The following SLC2A9 variants were observed in gnomAD, a reference collection of about 807,000 sequenced individuals.
SLC2A9 encodes the protein solute carrier family 2 member 9, also known as solute carrier family 2, facilitated glucose transporter member 9.
Under a neutral mutation model 50.6 loss-of-function variants are expected in SLC2A9, and 39 were observed. That is an observed-to-expected ratio of 0.77 (90% confidence interval 0.60 to 1.01). The LOEUF is 1.01. Among genes scored for constraint, SLC2A9 ranks in the 50% least tolerant of loss-of-function variants. The pLI is 0.00. For missense variants in SLC2A9, 686 were observed against 677.6 expected, an observed-to-expected ratio of 1.01 and a Z score of -0.14; for synonymous variants, 324 against 276.9, an observed-to-expected ratio of 1.17 and a Z score of -1.69.
chr4:10,018,534 C>T (rs543055085), intron 2 of SLC2A9, among the ~76,000 whole-genome samples: 42 of 88,884 alleles, frequency 4.7e-4, no homozygotes, highest in African/African-American at 1.2e-3. Flanking sequence ...GAGTGAGACT[C>T]CATCTCAAAG....
At chr4:9,906,131 AATCCTCAGCCCATCCCTATG>A (rs1740618932) in intron 8 of SLC2A9, among the ~76,000 whole-genome samples, 1 of 152,204 alleles carries the variant, frequency 6.6e-6, no homozygotes, top group Non-Finnish European at 1.5e-5. Flanking sequence ...TCATTGGTAC[AATCCTCAGCCCATCCCTATG>A]AAGCAGGGAT....
chr4:10,022,880 G>A (rs914747891), upstream of SLC2A9, among the ~76,000 whole-genome samples: 3 of 152,200 alleles, frequency 2.0e-5, no homozygotes. Flanking sequence ...CAGGAGTTAG[G>A]TTGGGGATGT....
At chr4:9,920,615 T>G in intron 6 of SLC2A9, 43 bp from the exon 7 acceptor site, 2 of 1,610,058 alleles carry the variant, frequency 1.2e-6, no homozygotes, top group Non-Finnish European at 1.7e-6. Flanking sequence ...GGGATTAGAG[T>G]GTCCATCATG....
At position 9,938,258 on chromosome 4, in the gene SLC2A9, T is replaced by C. The variant is rs998097931; in HGVS notation, c.814+3655A>G. 2.0e-5 allele frequency among the ~76,000 whole-genome samples: 3 copies of C among 149,178 alleles called. No individual in the cohort carries two copies. In the Admixed American group the frequency reaches 2.1e-4, roughly 10 times the overall value. On this transcript the variant is annotated intron_variant, in intron 6 of 11. Transcript: ENST00000264784. ...TCTGTGTCTCCAACCCATGGATTAATGATCTTTTGCTATTTTTTTTTTTTT... is the reference window on the plus strand; with the variant it reads ...TCTGTGTCTCCAACCCATGGATTAACGATCTTTTGCTATTTTTTTTTTTTT...
At chr4:9,979,075 C>T (rs533483042) in intron 5 of SLC2A9, among the ~76,000 whole-genome samples, 1 of 152,258 alleles carries the variant, frequency 6.6e-6, no homozygotes, top group Non-Finnish European at 1.5e-5. Context: ...CTCCAGAGCG[C>T]CCACATTCCC....
chr4:9,795,664 C>G (rs748440858), downstream of SLC2A9, among the ~76,000 whole-genome samples: 8 of 152,110 alleles, frequency 5.3e-5, no homozygotes, highest in Non-Finnish European at 1.2e-4. Context: ...TGCACACCAA[C>G]AAAAAAGACT....
At chr4:9,840,520 T>C (rs551361531) in intron 10 of SLC2A9, among the ~76,000 whole-genome samples, 1 of 152,352 alleles carries the variant, frequency 6.6e-6, no homozygotes, top group African/African-American at 2.4e-5. Context: ...TTTTAAAGCA[T>C]GCAACATGAC....
downstream of SLC2A9, among the ~76,000 whole-genome samples, chr4:9,821,944 C>A (rs753839675): frequency 6.6e-6 from 1 of 152,046 alleles, no homozygotes; most frequent in African/African-American, 2.4e-5. Flanking sequence ...TCTATTTTTT[C>A]TTGAGTGACT....
chr4:9,994,821 G>T (rs1037588093), intron 3 of SLC2A9, among the ~76,000 whole-genome samples: 2 of 151,968 alleles, frequency 1.3e-5, no homozygotes, highest in African/African-American at 4.8e-5. Flanking sequence ...GCCACGGTCA[G>T]GTATAAAGCA....
At chr4:9,830,323 T>C (rs1187397872) in intron 11 of SLC2A9, among the ~76,000 whole-genome samples, 1 of 152,106 alleles carries the variant, frequency 6.6e-6, no homozygotes, top group Non-Finnish European at 1.5e-5. Context: ...CGAGAACACA[T>C]GGACACATTG....
intron 7 of SLC2A9, among the ~76,000 whole-genome samples, chr4:9,916,039 T>C (rs944849018): frequency 2.2e-4 from 33 of 152,316 alleles, no homozygotes; most frequent in Middle Eastern, 3.4e-3. Flanking sequence ...AAAGTTTTCA[T>C]GTCTCCTTCC....
rs191436995 is a variant in SLC2A9 at position 9,867,755 on chromosome 4, T to C, written c.1291+19812A>G. Among the ~76,000 whole-genome samples the C allele has an allele frequency of 2.1e-3, 324 of 152,232 alleles. 2 individuals are homozygous for C. Among genetic ancestry groups the C allele is most frequent in the African/African-American group, 7.4e-3 (309 of 41,526 alleles). ...ACTGCCTGACTGCCTGGGAGAGAGATGGGCTAATGATCAACTGCTTAAAAC... is the reference window on the plus strand; with the variant it reads ...ACTGCCTGACTGCCTGGGAGAGAGACGGGCTAATGATCAACTGCTTAAAAC... On this transcript the variant is annotated intron_variant, in intron 10 of 11. Coordinates refer to ENST00000264784, the MANE Select transcript of SLC2A9 (RefSeq NM_020041.3).
rs1737186455 is a variant in SLC2A9 at position 9,890,550 on chromosome 4, T to A, written c.1215+60A>T. On this transcript the variant is annotated intron_variant, in intron 9 of 11. Transcript: ENST00000264784. ...CCACAAATCAAAGGCCCCAAAACGA[T>A]GAAGCCAGAAGTCAGCTCCATGCTT... 9 of 1,525,946 alleles carry A rather than the reference T, an allele frequency of 5.9e-6. No homozygotes were observed. In the East Asian group the frequency reaches 2.0e-4, roughly 34 times the overall value. 94.5% of individuals were successfully genotyped at this position (1,525,946 alleles called of 1,614,324 possible). A position where few individuals can be genotyped will look rare whatever the true frequency, so the allele number is the denominator to read the frequency against.
chr4:9,879,854 C>A (rs969908823), intron 10 of SLC2A9: 17 of 985,332 alleles, frequency 1.7e-5, no homozygotes, highest in Non-Finnish European at 1.9e-5. Flanking sequence ...GACTTCCCTG[C>A]CACTGCCTTG....
intron 3 of SLC2A9, chr4:9,782,372 G>T (rs372277553): frequency 6.2e-6 from 10 of 1,613,932 alleles, no homozygotes; most frequent in Non-Finnish European, 8.5e-6. Context: ...GTTCTGCGAC[G>T]TCTGGGTGGC....
At chr4:9,925,520 A>C (rs1744737947) in intron 6 of SLC2A9, among the ~76,000 whole-genome samples, 1 of 152,154 alleles carries the variant, frequency 6.6e-6, no homozygotes, top group Non-Finnish European at 1.5e-5. Context: ...AAGACCCCAG[A>C]CTAGTTACCT....
chr4:10,010,887 T>C (rs1761650033), intron 2 of SLC2A9, among the ~76,000 whole-genome samples: 1 of 152,222 alleles, frequency 6.6e-6, no homozygotes, highest in Admixed American at 6.5e-5. Flanking sequence ...TTGGTCCTTT[T>C]TTCTTGGCGA....
intron 7 of SLC2A9, among the ~76,000 whole-genome samples, chr4:9,910,829 G>A (rs937118531): frequency 2.0e-5 from 3 of 152,190 alleles, no homozygotes; most frequent in African/African-American, 7.2e-5. Flanking sequence ...TTCAGTGAGG[G>A]ACAGTTATAA....
chr4:9,852,123 A>C (rs1324346733), intron 10 of SLC2A9, among the ~76,000 whole-genome samples: 3 of 152,228 alleles, frequency 2.0e-5, no homozygotes, highest in African/African-American at 7.2e-5. Context: ...TGAAAGAAAA[A>C]ATGTTAAAGG....
Sources: allele counts gnomAD v4.1 joint callset (sites outside exome capture counted in the v4.1 genomes callset), GRCh38; gene constraint gnomAD v4.1.1; transcripts MANE v1.5; gene names NCBI Gene and HGNC (gene_info 2026-07-23, HGNC 2026-07-21).